The following CADPS2 variants were observed in gnomAD, a reference collection of about 807,000 sequenced individuals.
CADPS2 encodes calcium-dependent secretion activator 2.
CADPS2 carries 93 observed loss-of-function variants against 172.5 expected under a neutral mutation model. That is an observed-to-expected ratio of 0.54 (90% CI 0.46 to 0.64). CADPS2 has a LOEUF of 0.64. CADPS2 is among the 30% of genes least tolerant of loss of function. The pLI, the probability that CADPS2 is intolerant of heterozygous loss-of-function variation, is 0.00. For missense variants in CADPS2, 1,420 were observed against 1,565.9 expected, an observed-to-expected ratio of 0.91 and a Z score of 1.57; for synonymous variants, 546 against 555.2, an observed-to-expected ratio of 0.98 and a Z score of 0.23.
intron 1 of CADPS2, among the ~76,000 whole-genome samples, chr7:122,775,194 T>G (rs2093838888): frequency 6.6e-6 from 1 of 152,214 alleles, no homozygotes; most frequent in Admixed American, 6.5e-5. Context: ...TGCAGCACAA[T>G]GTTTGTGAAG....
At chr7:122,405,936 T>C (rs943985019) in intron 20 of CADPS2, among the ~76,000 whole-genome samples, 1 of 152,230 alleles carries the variant, frequency 6.6e-6, no homozygotes, top group African/African-American at 2.4e-5. Context: ...GCTATTATTT[T>C]CCTTCTTTTA....
At chr7:122,446,415 C>A (rs2151997462) in intron 15 of CADPS2, among the ~76,000 whole-genome samples, 1 of 152,006 alleles carries the variant, frequency 6.6e-6, no homozygotes, top group Non-Finnish European at 1.5e-5. Flanking sequence ...GATTTTAATC[C>A]CCATTAGGTG....
At chr7:122,622,526 C>G (rs993801168) in intron 4 of CADPS2, among the ~76,000 whole-genome samples, 1 of 152,036 alleles carries the variant, frequency 6.6e-6, no homozygotes, top group Non-Finnish European at 1.5e-5. Context: ...TAGATGGTGC[C>G]GAATCATTCT....
At chr7:122,511,041 C>T (rs2130787011) in intron 9 of CADPS2, among the ~76,000 whole-genome samples, 1 of 152,216 alleles carries the variant, frequency 6.6e-6, no homozygotes, top group African/African-American at 2.4e-5. Flanking sequence ...AACATGACTT[C>T]AAATTTTAAA....
At chr7:122,734,612 CATA>C (rs1442247018) in intron 2 of CADPS2, among the ~76,000 whole-genome samples, 2 of 151,638 alleles carry the variant, frequency 1.3e-5, no homozygotes, top group African/African-American at 4.8e-5. Context: ...ATAAATAAAA[CATA>C]AAGATCATGA....
At chr7:122,368,379 C>T (rs2041263456) in intron 25 of CADPS2, among the ~76,000 whole-genome samples, 1 of 152,128 alleles carries the variant, frequency 6.6e-6, no homozygotes, top group Admixed American at 6.5e-5. Context: ...CTTTCCCTCC[C>T]TGGTCTTGCT....
At chr7:122,554,417 C>T in intron 8 of CADPS2, 133 bp downstream of exon 8, 1 of 828,678 alleles carries the variant, frequency 1.2e-6, no homozygotes, top group South Asian at 2.0e-5. Flanking sequence ...AGTAAGATAA[C>T]TTACGTATGT....
chr7:122,839,675 G>A (rs1475609149), intron 1 of CADPS2, among the ~76,000 whole-genome samples: 2 of 152,130 alleles, frequency 1.3e-5, no homozygotes, highest in Non-Finnish European at 2.9e-5. Context: ...AGACACATGA[G>A]AAAATGCTCA....
intron 1 of CADPS2, among the ~76,000 whole-genome samples, chr7:122,786,104 A>G (rs1306895619): frequency 6.9e-6 from 1 of 145,682 alleles, no homozygotes; most frequent in African/African-American, 2.5e-5. Context: ...TATAACTTCT[A>G]GTAGTCTCGT....
At chr7:122,721,655 C>T (rs1270804975) in intron 2 of CADPS2, among the ~76,000 whole-genome samples, 7 of 151,964 alleles carry the variant, frequency 4.6e-5, no homozygotes, top group Admixed American at 1.3e-4. Context: ...TTCCAATCAA[C>T]AGAAAAAGAG....
At chr7:122,331,743 G>A (rs369367744) in intron 28 of CADPS2, among the ~76,000 whole-genome samples, 4 of 152,250 alleles carry the variant, frequency 2.6e-5, no homozygotes, top group African/African-American at 7.2e-5. Flanking sequence ...TCTGGAAACC[G>A]AGTTTACAGA....
chr7:122,438,508 T>C (rs200860090), intron 16 of CADPS2, 44 bp from the exon 17 acceptor site: 29 of 1,601,194 alleles, frequency 1.8e-5, no homozygotes, highest in East Asian at 2.2e-5. Flanking sequence ...GGGTTGGGGA[T>C]AGACAGATGG....
At chr7:122,397,124 AT>A (rs1376268296) in intron 20 of CADPS2, among the ~76,000 whole-genome samples, 1 of 152,064 alleles carries the variant, frequency 6.6e-6, no homozygotes, top group Non-Finnish European at 1.5e-5. Flanking sequence ...AAAGTTGGTT[AT>A]TTTATGTTTC....
chr7:122,802,324 T>C (rs1797833137), intron 1 of CADPS2, among the ~76,000 whole-genome samples: 1 of 152,210 alleles, frequency 6.6e-6, no homozygotes, highest in African/African-American at 2.4e-5. Flanking sequence ...ATTCCCTTCT[T>C]AGAACAAGCT....
At chr7:122,511,703 G>A (rs574483098) in intron 9 of CADPS2, among the ~76,000 whole-genome samples, 2 of 152,198 alleles carry the variant, frequency 1.3e-5, no homozygotes, top group South Asian at 4.1e-4. Context: ...TAAAATAACT[G>A]AAAAAGAAGC....
chr7:122,859,908 A>G (rs1816467654), intron 1 of CADPS2, among the ~76,000 whole-genome samples: 1 of 152,124 alleles, frequency 6.6e-6, no homozygotes, highest in African/African-American at 2.4e-5. Flanking sequence ...GTGGAGGGCC[A>G]ACTGTATAAT....
chr7:122,435,395 A>C (rs1586008675), intron 17 of CADPS2, among the ~76,000 whole-genome samples: 1 of 152,152 alleles, frequency 6.6e-6, no homozygotes, highest in South Asian at 2.1e-4. Flanking sequence ...CCAACACATA[A>C]ATGAAAAGGT....
At chr7:122,527,971 T>C (rs997367580) in intron 8 of CADPS2, among the ~76,000 whole-genome samples, 2 of 152,148 alleles carry the variant, frequency 1.3e-5, no homozygotes, top group Non-Finnish European at 2.9e-5. Flanking sequence ...AGGTATAAGA[T>C]TTACTTTTCT....
At chr7:122,773,222 G>A (rs1024684559) in intron 1 of CADPS2, among the ~76,000 whole-genome samples, 3 of 151,946 alleles carry the variant, frequency 2.0e-5, no homozygotes, top group Non-Finnish European at 4.4e-5. Flanking sequence ...ACGGTGATAT[G>A]GAAACGTGGT....
Sources: gnomAD v4.1 joint callset for allele counts (sites outside exome capture counted in the v4.1 genomes callset) on GRCh38, gnomAD v4.1.1 for gene constraint, MANE v1.5 for transcripts, NCBI Gene and HGNC (gene_info 2026-07-23, HGNC 2026-07-21) for gene names.